NEBL: variants seen among roughly 807,000 people sequenced by gnomAD.
The protein encoded by NEBL is LIM and SH3 protein 2.
Under a neutral mutation model 140.2 loss-of-function variants are expected in NEBL, and 122 were observed. That is an observed-to-expected ratio of 0.87 (90% CI 0.75 to 1.01). NEBL has a LOEUF of 1.01. Ranked by LOEUF, NEBL falls within the 50% of genes least tolerant of loss-of-function variation. The pLI, the probability that NEBL is intolerant of heterozygous loss-of-function variation, is 0.00. For missense variants in NEBL, 1,365 were observed against 1,231.3 expected (o/e 1.11, Z -1.62); for synonymous variants, 436 against 398.9 (o/e 1.09, Z -1.11).
At chr10:20,906,971 G>T (rs1406182539) in intron 4 of NEBL, among the ~76,000 whole-genome samples, 3 of 151,970 alleles carry the variant, frequency 2.0e-5, no homozygotes, top group African/African-American at 7.2e-5. Flanking sequence ...TTAAAATCCT[G>T]TGTATTTGAA....
intron 2 of NEBL, among the ~76,000 whole-genome samples, chr10:21,066,033 T>A (rs995848033): frequency 6.6e-6 from 1 of 152,190 alleles, no homozygotes; most frequent in African/African-American, 2.4e-5. Context: ...CCTCTTAGAC[T>A]AATAGTTCTG....
At chr10:21,203,387 T>A (rs534854058) in intron 3 of NEBL, among the ~76,000 whole-genome samples, 2 of 152,356 alleles carry the variant, frequency 1.3e-5, no homozygotes, top group South Asian at 4.1e-4. Flanking sequence ...TAAAAAAGAC[T>A]GAGAAATTGC....
intron 18 of NEBL, among the ~76,000 whole-genome samples, chr10:20,825,366 A>G (rs1839737913): frequency 6.6e-6 from 1 of 152,140 alleles, no homozygotes; most frequent in African/African-American, 2.4e-5. Context: ...TCAAGAAACT[A>G]AATGTAACGG....
At chr10:21,009,434 A>T (rs1308763591) in intron 3 of NEBL, among the ~76,000 whole-genome samples, 1 of 152,176 alleles carries the variant, frequency 6.6e-6, no homozygotes, top group Non-Finnish European at 1.5e-5. Flanking sequence ...AGTGTCAGTC[A>T]AAAGGGGTCC....
At chr10:21,219,707 C>T (rs185540238) in intron 3 of NEBL, among the ~76,000 whole-genome samples, 31 of 152,182 alleles carry the variant, frequency 2.0e-4, no homozygotes, top group Middle Eastern at 3.4e-3. Flanking sequence ...ATTAATTCTG[C>T]CAATTCATGA....
intron 3 of NEBL, among the ~76,000 whole-genome samples, chr10:20,965,975 C>T (rs1306532118): frequency 6.6e-6 from 1 of 152,130 alleles, no homozygotes; most frequent in Non-Finnish European, 1.5e-5. Context: ...AGAGAATGTG[C>T]CATACCTGGG....
chr10:20,794,401 A>G (rs72785555), intron 26 of NEBL, among the ~76,000 whole-genome samples: 12,304 of 152,226 alleles, frequency 0.081, 567 homozygotes, highest in Admixed American at 0.11. Context: ...TTTATAGTAT[A>G]TACTATATCC....
chr10:20,955,308 A>G (rs915829343), intron 4 of NEBL, among the ~76,000 whole-genome samples: 1 of 152,238 alleles, frequency 6.6e-6, no homozygotes, highest in Non-Finnish European at 1.5e-5. Context: ...AGTGGAGAAT[A>G]TGATGTGTGA....
chr10:21,211,664 G>A (rs910210384), intron 3 of NEBL, among the ~76,000 whole-genome samples: 1 of 152,162 alleles, frequency 6.6e-6, no homozygotes, highest in East Asian at 1.9e-4. Context: ...GCCAAACCCA[G>A]TTACGTCAAC....
rs112608740 is a variant in NEBL at position 21,280,144 on chromosome 10, C to T, written n.182+12686G>A. On this transcript the variant is annotated intron_variant and non_coding_transcript_variant, in intron 1 of 8. Transcript: ENST00000675702. The stretch of plus-strand genomic sequence containing the variant: ...ATTAGGGTCACCTGGGGTCTTTCCA[C>T]GGTTCGTTCCAGTCCAAGCATAAAT... Among the ~76,000 whole-genome samples the T allele has an allele frequency of 8.4e-3, 1,279 of 152,214 alleles. 19 individuals carry two copies. Among genetic ancestry groups the T allele is most frequent in the Admixed American group, 0.033 (506 of 15,276 alleles).
Position 20,781,843 on chromosome 10 carries a change from T to G in NEBL, c.*3904A>C, listed in dbSNP as rs1397950121. ...CTTGTCAGTTTACATAGCTTCTTAC[T>G]TAACTAAAAGCTCTCCCACCTCCAT... On this transcript the variant is annotated 3_prime_UTR_variant, in exon 28 of 28. Coordinates refer to ENST00000377122, the MANE Select transcript of NEBL (RefSeq NM_006393.3). 1 of 152,612 alleles carries G rather than the reference T, an allele frequency of 6.6e-6. No individual in the cohort carries two copies. Among genetic ancestry groups the G allele is most frequent in the African/African-American group, 2.4e-5 (1 of 41,448 alleles). The allele number at this position is 152,612 out of a possible 1,614,324, so 9.5% of individuals were successfully genotyped here.
At chr10:20,999,372 G>T (rs1589123294) in intron 3 of NEBL, among the ~76,000 whole-genome samples, 1 of 152,166 alleles carries the variant, frequency 6.6e-6, no homozygotes, top group Admixed American at 6.5e-5. Flanking sequence ...TAAGGTGGGA[G>T]GGTTGCTTGA....
At chr10:20,974,245 T>A (rs1034112634) in intron 3 of NEBL, among the ~76,000 whole-genome samples, 9 of 150,042 alleles carry the variant, frequency 6.0e-5, no homozygotes, top group African/African-American at 2.2e-4. Context: ...ATCGCTTAGT[T>A]TTTTTTCTTT....
chr10:21,100,533 G>C (rs1837433478), intron 2 of NEBL, among the ~76,000 whole-genome samples: 1 of 152,168 alleles, frequency 6.6e-6, no homozygotes, highest in Admixed American at 6.5e-5. Flanking sequence ...CGTGAACCCT[G>C]GGGGGCTGAC....
At chr10:20,792,577 A>G (rs1486194916) in intron 26 of NEBL, among the ~76,000 whole-genome samples, 1 of 152,034 alleles carries the variant, frequency 6.6e-6, no homozygotes, top group African/African-American at 2.4e-5. Context: ...CGAGGCAGGC[A>G]GATTGCTTGA....
chr10:21,189,555 C>G (rs1207354327), intron 3 of NEBL, among the ~76,000 whole-genome samples: 3 of 152,194 alleles, frequency 2.0e-5, no homozygotes, highest in Non-Finnish European at 4.4e-5. Flanking sequence ...AACTCTGCCT[C>G]CCGGGTTCCC....
intron 2 of NEBL, among the ~76,000 whole-genome samples, chr10:21,081,657 AC>A (rs767542449): frequency 5.3e-5 from 8 of 152,200 alleles, no homozygotes; most frequent in Non-Finnish European, 1.2e-4. Context: ...ACTGTTCTTC[AC>A]TAAAAGGAAT....
intron 2 of NEBL, among the ~76,000 whole-genome samples, chr10:21,123,328 T>C (rs890719896): frequency 6.6e-6 from 1 of 152,226 alleles, no homozygotes; most frequent in Non-Finnish European, 1.5e-5. Flanking sequence ...TAATTTTCTT[T>C]CAATTTTGGC....
intron 4 of NEBL, among the ~76,000 whole-genome samples, chr10:20,954,757 G>T (rs976277970): frequency 3.3e-5 from 5 of 152,142 alleles, no homozygotes; most frequent in African/African-American, 1.2e-4. Context: ...ACTTCCCAAG[G>T]CTCTACCCTA....
Sources: allele counts gnomAD v4.1 joint callset (sites outside exome capture counted in the v4.1 genomes callset), GRCh38; gene constraint gnomAD v4.1.1; transcripts MANE v1.5; gene names NCBI Gene and HGNC (gene_info 2026-07-23, HGNC 2026-07-21).